PLEK: variants seen among roughly 807,000 people sequenced by gnomAD.
PLEK encodes platelet 47 kDa protein.
Under a neutral mutation model 43.9 loss-of-function variants are expected in PLEK, and 25 were observed. The observed-to-expected ratio is 0.57, with a 90% CI of 0.41 to 0.79. The LOEUF (loss-of-function observed/expected upper bound fraction) is 0.79. PLEK is among the 30% of genes least tolerant of loss of function. The pLI is 0.00. For missense variants in PLEK, 396 were observed against 413.3 expected (o/e 0.96, Z 0.36); for synonymous variants, 152 against 144.4 (o/e 1.05, Z -0.38).
At chr2:68,380,516 T>C in intron 2 of PLEK, 33 bp downstream of exon 2, 1 of 1,601,368 alleles carries the variant, frequency 6.2e-7, no homozygotes, top group South Asian at 1.1e-5. Flanking sequence ...CGTGAACCCC[T>C]GGTCAGGCAC....
intron 6 of PLEK, among the ~76,000 whole-genome samples, chr2:68,391,018 G>T (rs1673847508): frequency 1.3e-5 from 2 of 152,220 alleles, no homozygotes; most frequent in South Asian, 4.1e-4. Flanking sequence ...CTGCTGCAGA[G>T]TTCAGCATCC....
At position 68,395,798 on chromosome 2, in the gene PLEK, C is replaced by T; in HGVS notation, c.1035C>T (p.Ala345=). ...RTEWIRAIQM[A]SRTGK is the part of the protein sequence containing the mutation. The stretch of plus-strand genomic sequence containing the variant: ...AGTGGATCAGAGCCATCCAGATGGC[C>T]TCCCGAACTGGGAAGTAAAGAGACT... Residue 345 remains alanine (A), a synonymous_variant, in exon 9 of 9, where the codon GCC becomes GCT. Coordinates refer to ENST00000234313, the MANE Select transcript of PLEK (RefSeq NM_002664.3). 1 of 1,613,660 alleles carries T rather than the reference C, an allele frequency of 6.2e-7. No individual in the cohort carries two copies. Among genetic ancestry groups the T allele is most frequent in the South Asian group, 1.1e-5 (1 of 91,088 alleles).
intron 1 of PLEK, among the ~76,000 whole-genome samples, chr2:68,368,949 C>T (rs116572247): frequency 0.013 from 1,940 of 152,172 alleles, 37 homozygotes; most frequent in African/African-American, 0.044. Context: ...GCAGCAGGGA[C>T]AGGAAAGGAA....
At chr2:68,389,098 G>A (rs1166830721) in intron 6 of PLEK, among the ~76,000 whole-genome samples, 1 of 152,220 alleles carries the variant, frequency 6.6e-6, no homozygotes, top group Non-Finnish European at 1.5e-5. Context: ...TTGGAGGCAA[G>A]GGCTGGAGAG....
Position 68,396,359 on chromosome 2 carries a change from A to G in PLEK, c.*543A>G, listed in dbSNP as rs1673963862. 4 of 152,094 alleles carry G rather than the reference A, an allele frequency of 2.6e-5. No individual in the cohort carries two copies. Among genetic ancestry groups the G allele is most frequent in the Admixed American group, 2.6e-4 (4 of 15,254 alleles). 9.4% of individuals were successfully genotyped at this position (152,094 alleles called of 1,614,324 possible). On this transcript the variant is annotated 3_prime_UTR_variant, in exon 9 of 9. Coordinates refer to ENST00000234313, the MANE Select transcript of PLEK (RefSeq NM_002664.3). ...CTTTTGTTCTCTTTAGACATCTTCT[A>G]CTTGCTCTTGGCCTTGAGATCGTGT...
chr2:68,391,691 A>G (rs1194613884), intron 6 of PLEK, among the ~76,000 whole-genome samples: 1 of 151,940 alleles, frequency 6.6e-6, no homozygotes, highest in African/African-American at 2.4e-5. Flanking sequence ...AAGACCACAC[A>G]TGTTTTATTG....
chr2:68,382,318 C>A (rs1673639369), intron 3 of PLEK, among the ~76,000 whole-genome samples: 1 of 152,186 alleles, frequency 6.6e-6, no homozygotes, highest in African/African-American at 2.4e-5. Flanking sequence ...TAAGTACCTT[C>A]CAGCATTGCT....
In PLEK at chr2:68,395,741, C is replaced by T. The variant is rs768421979; in HGVS notation, c.978C>T (p.Phe326=). Residue 326 remains phenylalanine, a synonymous_variant, in exon 9 of 9, where the codon TTC becomes TTT. Coordinates refer to ENST00000234313, the MANE Select transcript of PLEK (RefSeq NM_002664.3). ...TCACAGCAGATGAAGTGCACTATTT[C>T]TTGCAAGCAGCCACCCCCAAGGAGC... ...EIITADEVHY[F]LQAATPKERT... 39 of 1,613,840 alleles carry T rather than the reference C, an allele frequency of 2.4e-5. No individual in the cohort carries two copies. In the East Asian group the frequency reaches 8.5e-4, roughly 35 times the overall value.
chr2:68,371,744 A>G (rs1174664969), intron 1 of PLEK, among the ~76,000 whole-genome samples: 1 of 151,784 alleles, frequency 6.6e-6, no homozygotes, highest in Non-Finnish European at 1.5e-5. Context: ...CAGAATTATC[A>G]TTTTCCTTGC....
chr2:68,372,227 G>A (rs1476605329), intron 1 of PLEK, among the ~76,000 whole-genome samples: 2 of 150,678 alleles, frequency 1.3e-5, no homozygotes, highest in African/African-American at 4.9e-5. Flanking sequence ...AGGCTGGAGT[G>A]CAGTGGTGTG....
chr2:68,382,949 A>G (rs910200019), intron 4 of PLEK, among the ~76,000 whole-genome samples: 1 of 152,218 alleles, frequency 6.6e-6, no homozygotes, highest in Non-Finnish European at 1.5e-5. Context: ...ATTGGATAAG[A>G]TGCAACCCTT....
chr2:68,395,363 G>A (rs961514212), intron 8 of PLEK, among the ~76,000 whole-genome samples: 4 of 151,986 alleles, frequency 2.6e-5, no homozygotes, highest in African/African-American at 9.7e-5. Context: ...CTCATTAAAC[G>A]CTGTTGCTAT....
chr2:68,375,315 A>G (rs1345643536), intron 1 of PLEK, among the ~76,000 whole-genome samples: 1 of 152,186 alleles, frequency 6.6e-6, no homozygotes, highest in Non-Finnish European at 1.5e-5. Flanking sequence ...TTTCATAAGC[A>G]TTTGGATGTT....
chr2:68,365,464 G>T, intron 1 of PLEK, 71 bp downstream of exon 1: 1 of 1,142,488 alleles, frequency 8.8e-7, no homozygotes, highest in Non-Finnish European at 1.3e-6. Context: ...AGCTCCACCG[G>T]CTACCTGCTC....
In PLEK at chr2:68,365,290, G is replaced by C; in HGVS notation, c.-62G>C. 6.9e-7 allele frequency: 1 copy of C among 1,450,598 alleles called. No homozygotes were observed. The highest frequency in any genetic ancestry group is 9.7e-7 in the Non-Finnish European group (1 of 1,032,126). 89.9% of individuals were successfully genotyped at this position (1,450,598 alleles called of 1,614,324 possible). ...CCCACAGCCACCTCAGCATGCAGAG[G>C]AGGCCCAGCTGCTGAGAGGAGTTGC... On this transcript the variant is annotated 5_prime_UTR_variant, in exon 1 of 9. Transcript: ENST00000234313.
In PLEK at chr2:68,394,293, C is replaced by T. The variant is rs1400431354; in HGVS notation, c.916+117C>T. On this transcript the variant is annotated intron_variant, in intron 8 of 8. Coordinates refer to ENST00000234313, the MANE Select transcript of PLEK (RefSeq NM_002664.3). Reference sequence around the variant, plus strand: ...TTAATCAGGATAAGCAGGAATGGGGCAGGCATGGTGGCTCCCACCTGTAAT... The same window carrying T: ...TTAATCAGGATAAGCAGGAATGGGGTAGGCATGGTGGCTCCCACCTGTAAT... 2.7e-5 allele frequency: 20 copies of T among 745,980 alleles called. 1 individual carries two copies. Among genetic ancestry groups the T allele is most frequent in the South Asian group, 2.4e-4 (17 of 70,676 alleles). 46.2% of individuals were successfully genotyped at this position (745,980 alleles called of 1,614,324 possible). A position where few individuals can be genotyped will look rare whatever the true frequency, so the allele number is the denominator to read the frequency against.
At chr2:68,383,055 G>A (rs1003643389) in intron 4 of PLEK, among the ~76,000 whole-genome samples, 1 of 152,198 alleles carries the variant, frequency 6.6e-6, no homozygotes, top group Non-Finnish European at 1.5e-5. Context: ...TAAGTGTTAT[G>A]AGTTTAGGTA....
intron 6 of PLEK, among the ~76,000 whole-genome samples, chr2:68,390,895 T>A (rs1206900036): frequency 1.3e-5 from 2 of 152,258 alleles, no homozygotes; most frequent in African/African-American, 4.8e-5. Context: ...AATCCCTTTT[T>A]ACATAATTGT....
chr2:68,380,983 T>C (rs1573075444), intron 3 of PLEK, 79 bp downstream of exon 3: 1 of 1,223,138 alleles, frequency 8.2e-7, no homozygotes. Flanking sequence ...CAAGGCTTGC[T>C]TTGACCACCT....
Sources: allele counts gnomAD v4.1 joint callset (sites outside exome capture counted in the v4.1 genomes callset), GRCh38; gene constraint gnomAD v4.1.1; transcripts MANE v1.5; gene names NCBI Gene and HGNC (gene_info 2026-07-23, HGNC 2026-07-21).